Variants in SCMH1 observed in about 807,000 individuals in gnomAD.
The protein encoded by SCMH1 is Scm polycomb group protein homolog 1.
Under a neutral mutation model 70.8 loss-of-function variants are expected in SCMH1, and 37 were observed. The observed-to-expected ratio is 0.52, with a 90% CI of 0.40 to 0.69. SCMH1 has a LOEUF of 0.69. Among genes scored for constraint, SCMH1 ranks in the 30% least tolerant of loss-of-function variants. The pLI is 0.00. For synonymous variants in SCMH1, 292 were observed against 307.4 expected, an observed-to-expected ratio of 0.95 and a Z score of 0.52; for missense variants, 607 against 827.3, an observed-to-expected ratio of 0.73 and a Z score of 3.27.
intron 2 of SCMH1, among the ~76,000 whole-genome samples, chr1:41,176,020 G>C (rs1036482864): frequency 6.6e-6 from 1 of 151,232 alleles, no homozygotes; most frequent in South Asian, 2.1e-4. Flanking sequence ...TTAAGTAAAG[G>C]TGAGCTACCA....
At chr1:41,169,403 C>T (rs1198620126) in intron 2 of SCMH1, among the ~76,000 whole-genome samples, 1 of 152,136 alleles carries the variant, frequency 6.6e-6, no homozygotes, top group Admixed American at 6.5e-5. Flanking sequence ...CATGTTCCTA[C>T]TTCCTTTCTG....
At chr1:41,231,585 C>T (rs1226467242) in intron 1 of SCMH1, among the ~76,000 whole-genome samples, 19 of 152,090 alleles carry the variant, frequency 1.2e-4, no homozygotes, top group Admixed American at 1.2e-3. Flanking sequence ...CTAATTTTTA[C>T]CTGAGATTAC....
intron 6 of SCMH1, among the ~76,000 whole-genome samples, chr1:41,131,786 G>A (rs954559181): frequency 6.6e-6 from 1 of 152,114 alleles, no homozygotes; most frequent in African/African-American, 2.4e-5. Context: ...TCGCACTTAT[G>A]AGAATGTGCA....
chr1:41,056,017 T>G (rs1420847196), intron 10 of SCMH1, among the ~76,000 whole-genome samples: 2 of 152,188 alleles, frequency 1.3e-5, no homozygotes, highest in African/African-American at 4.8e-5. Context: ...ATATGGCCCA[T>G]ATTATTTGAC....
At chr1:41,058,298 G>C (rs1651210143) in intron 10 of SCMH1, among the ~76,000 whole-genome samples, 1 of 151,046 alleles carries the variant, frequency 6.6e-6, no homozygotes, top group Non-Finnish European at 1.5e-5. Flanking sequence ...GTATGTCTGG[G>C]GAAAATATGA....
chr1:41,075,292 G>A, exon 9 of SCMH1: 1 of 1,614,164 alleles, frequency 6.2e-7, no homozygotes. Context: ...GGCAGAGATG[G>A]GATGGGAAAT....
intron 10 of SCMH1, among the ~76,000 whole-genome samples, chr1:41,049,475 A>C (rs1461207794): frequency 6.7e-6 from 1 of 148,444 alleles, no homozygotes; most frequent in Non-Finnish European, 1.5e-5. Flanking sequence ...AATTGGATTA[A>C]AAAAAAAAAA....
chr1:41,058,436 A>G (rs1468920270), intron 10 of SCMH1, among the ~76,000 whole-genome samples: 1 of 120,224 alleles, frequency 8.3e-6, no homozygotes, highest in Non-Finnish European at 1.6e-5. Context: ...GCTGGAGTGC[A>G]GTGGCACAAT....
intron 1 of SCMH1, among the ~76,000 whole-genome samples, chr1:41,201,948 T>G (rs1026959080): frequency 1.3e-5 from 2 of 152,216 alleles, no homozygotes; most frequent in African/African-American, 4.8e-5. Context: ...AATCTTTGTA[T>G]GCAAGCACAG....
intron 2 of SCMH1, among the ~76,000 whole-genome samples, chr1:41,182,656 A>G (rs994332686): frequency 1.3e-5 from 2 of 152,176 alleles, no homozygotes; most frequent in African/African-American, 4.8e-5. Context: ...AGCTGCAGTG[A>G]GCCAGGATTA....
chr1:41,181,585 G>A (rs186719788), intron 2 of SCMH1, among the ~76,000 whole-genome samples: 2 of 152,130 alleles, frequency 1.3e-5, no homozygotes, highest in African/African-American at 4.8e-5. Context: ...GCAGCCAACA[G>A]ACACATGAAG....
chr1:41,117,105 C>T (rs1373440733), intron 6 of SCMH1, 95 bp from the exon 7 acceptor site: 2 of 797,382 alleles, frequency 2.5e-6, no homozygotes, highest in South Asian at 2.4e-5. Flanking sequence ...GGCAAGAGAC[C>T]GAGGGCACGA....
chr1:41,120,345 C>A (rs754144591), intron 6 of SCMH1, among the ~76,000 whole-genome samples: 13 of 152,120 alleles, frequency 8.5e-5, no homozygotes, highest in Non-Finnish European at 1.6e-4. Context: ...TATGCCATTT[C>A]TTACTCAATA....
chr1:41,202,365 T>C (rs1654566518), intron 1 of SCMH1, among the ~76,000 whole-genome samples: 1 of 151,992 alleles, frequency 6.6e-6, no homozygotes, highest in Non-Finnish European at 1.5e-5. Context: ...AAATTTACCT[T>C]TTAGAACACA....
intron 6 of SCMH1, among the ~76,000 whole-genome samples, chr1:41,124,725 A>G (rs759580435): frequency 6.6e-5 from 10 of 151,930 alleles, no homozygotes; most frequent in Non-Finnish European, 1.5e-4. Flanking sequence ...CCCCTGAGCA[A>G]CTAGGACTAA....
chr1:41,070,526 T>A (rs548464699), intron 10 of SCMH1, 69 bp downstream of exon 10: 1 of 1,590,366 alleles, frequency 6.3e-7, no homozygotes, highest in Admixed American at 1.7e-5. Context: ...ATTACTGGTG[T>A]AAGACAAAAG....
intron 8 of SCMH1, chr1:41,099,229 GTTCT>G (rs1275466174): frequency 6.4e-6 from 1 of 155,556 alleles, no homozygotes; most frequent in Non-Finnish European, 1.4e-5. Context: ...ATCAGCAACA[GTTCT>G]TTCTATCTTA....
intron 12 of SCMH1, among the ~76,000 whole-genome samples, chr1:41,044,833 G>T (rs752959854): frequency 6.6e-6 from 1 of 152,090 alleles, no homozygotes; most frequent in Non-Finnish European, 1.5e-5. Context: ...GTCATGCCCC[G>T]GTCCCAAACC....
intron 9 of SCMH1, among the ~76,000 whole-genome samples, chr1:41,072,135 G>T (rs187540111): frequency 1.3e-5 from 2 of 152,302 alleles, no homozygotes; most frequent in African/African-American, 2.4e-5. Context: ...ATATAAGATG[G>T]CTTTGCCTGT....
Sources: gnomAD v4.1 joint callset for allele counts (sites outside exome capture counted in the v4.1 genomes callset) on GRCh38, gnomAD v4.1.1 for gene constraint, MANE v1.5 for transcripts, NCBI Gene and HGNC (gene_info 2026-07-23, HGNC 2026-07-21) for gene names.